Variants in PCDH15 observed in about 807,000 individuals in gnomAD.
PCDH15 encodes protocadherin-15.
Under a neutral mutation model 178.5 loss-of-function variants are expected in PCDH15, and 129 were observed. The observed-to-expected ratio is 0.72, with a 90% CI of 0.63 to 0.84. The LOEUF (loss-of-function observed/expected upper bound fraction) is 0.84. Among genes scored for constraint, PCDH15 ranks in the 40% least tolerant of loss-of-function variants. PCDH15 has a pLI of 0.00. For missense variants in PCDH15, 2,230 were observed against 2,099.9 expected (o/e 1.06, Z -1.21); for synonymous variants, 800 against 732.0 (o/e 1.09, Z -1.50).
intron 1 of PCDH15, among the ~76,000 whole-genome samples, chr10:54,752,629 G>A (rs1369031811): frequency 1.3e-5 from 2 of 151,710 alleles, no homozygotes; most frequent in African/African-American, 2.4e-5. Context: ...TCAACTCAGT[G>A]ACTCTATTAC....
intron 2 of PCDH15, among the ~76,000 whole-genome samples, chr10:54,964,449 G>C (rs918697077): frequency 6.6e-6 from 1 of 152,082 alleles, no homozygotes; most frequent in Non-Finnish European, 1.5e-5. Flanking sequence ...TGCCAATTTT[G>C]TAGGAGGAAA....
At chr10:55,328,251 C>T (rs1313443550) in intron 2 of PCDH15, among the ~76,000 whole-genome samples, 1 of 151,556 alleles carries the variant, frequency 6.6e-6, no homozygotes, top group Non-Finnish European at 1.5e-5. Context: ...TATAGAAATA[C>T]AGTCATTCAT....
intron 2 of PCDH15, among the ~76,000 whole-genome samples, chr10:55,484,768 A>G (rs1003975005): frequency 5.9e-5 from 9 of 151,880 alleles, no homozygotes; most frequent in African/African-American, 2.2e-4. Flanking sequence ...AAAGGCACCA[A>G]GAACACACAC....
chr10:55,338,069 A>G (rs908003788), intron 2 of PCDH15, among the ~76,000 whole-genome samples: 18 of 152,194 alleles, frequency 1.2e-4, no homozygotes, highest in Admixed American at 1.0e-3. Context: ...CAACATTAAT[A>G]ATCATTAGAG....
intron 2 of PCDH15, among the ~76,000 whole-genome samples, chr10:55,358,669 G>T (rs947479520): frequency 6.6e-6 from 1 of 152,024 alleles, no homozygotes; most frequent in African/African-American, 2.4e-5. Flanking sequence ...CCATTTTGCA[G>T]TAGATGGAAT....
At chr10:55,300,754 T>C (rs1843254176) in intron 1 of PCDH15, among the ~76,000 whole-genome samples, 1 of 152,210 alleles carries the variant, frequency 6.6e-6, no homozygotes, top group South Asian at 2.1e-4. Flanking sequence ...AGAGCCAGTC[T>C]GATTTTTTAA....
At chr10:55,248,997 A>C (rs1420948203) in intron 1 of PCDH15, among the ~76,000 whole-genome samples, 1 of 152,238 alleles carries the variant, frequency 6.6e-6, no homozygotes, top group African/African-American at 2.4e-5. Context: ...ATTTAAAGAC[A>C]CATTTAAAGA....
intron 1 of PCDH15, among the ~76,000 whole-genome samples, chr10:55,225,639 G>A (rs890487379): frequency 7.0e-6 from 1 of 143,036 alleles, no homozygotes; most frequent in Admixed American, 7.2e-5. Flanking sequence ...GTGTGTTTGT[G>A]TGTGTGTGTG....
At chr10:54,221,917 C>T (rs1005747655) in intron 9 of PCDH15, among the ~76,000 whole-genome samples, 4 of 152,198 alleles carry the variant, frequency 2.6e-5, no homozygotes, top group South Asian at 4.1e-4. Context: ...AGTATATATT[C>T]TTTTCGTAGG....
At chr10:54,097,417 G>A (rs2094720536) in intron 15 of PCDH15, among the ~76,000 whole-genome samples, 1 of 152,056 alleles carries the variant, frequency 6.6e-6, no homozygotes, top group Non-Finnish European at 1.5e-5. Flanking sequence ...TACAACCATG[G>A]CTCATCCTCT....
chr10:54,321,099 G>A (rs916779341), intron 7 of PCDH15, among the ~76,000 whole-genome samples: 2 of 149,584 alleles, frequency 1.3e-5, no homozygotes, highest in African/African-American at 2.4e-5. Context: ...TAACAAATAA[G>A]TTAATAAAAT....
intron 1 of PCDH15, among the ~76,000 whole-genome samples, chr10:54,787,765 C>T (rs1383647290): frequency 6.6e-6 from 1 of 151,892 alleles, no homozygotes; most frequent in Admixed American, 6.6e-5. Flanking sequence ...ACTAGCAAAG[C>T]CAATGGAGAG....
At chr10:54,938,854 A>G (rs1282981499) in intron 2 of PCDH15, among the ~76,000 whole-genome samples, 1 of 152,172 alleles carries the variant, frequency 6.6e-6, no homozygotes, top group Non-Finnish European at 1.5e-5. Context: ...AAGATATAGA[A>G]AAACGTAAAG....
At chr10:54,455,010 G>A (rs1415475235) in intron 3 of PCDH15, among the ~76,000 whole-genome samples, 1 of 152,068 alleles carries the variant, frequency 6.6e-6, no homozygotes, top group Admixed American at 6.6e-5. Context: ...TAGTGAATTT[G>A]TTCTCACAAG....
intron 2 of PCDH15, among the ~76,000 whole-genome samples, chr10:55,367,283 T>C (rs1207506319): frequency 6.6e-6 from 1 of 152,120 alleles, no homozygotes; most frequent in Non-Finnish European, 1.5e-5. Flanking sequence ...AAAGCAGCAC[T>C]CAAACTGGAA....
At chr10:54,934,988 C>A (rs1259048765) in intron 2 of PCDH15, among the ~76,000 whole-genome samples, 1 of 151,420 alleles carries the variant, frequency 6.6e-6, no homozygotes, top group Non-Finnish European at 1.5e-5. Context: ...GACAAAAAAA[C>A]CAAACACCGC....
intron 2 of PCDH15, among the ~76,000 whole-genome samples, chr10:55,458,457 C>T (rs1839600996): frequency 6.6e-6 from 1 of 152,026 alleles, no homozygotes; most frequent in Non-Finnish European, 1.5e-5. Context: ...TATGATTCCT[C>T]TTAATCATAC....
intron 2 of PCDH15, among the ~76,000 whole-genome samples, chr10:54,624,438 G>A (rs2093479898): frequency 6.6e-6 from 1 of 152,216 alleles, no homozygotes; most frequent in African/African-American, 2.4e-5. Flanking sequence ...AACAAAGTCA[G>A]ACACTTGTTA....
intron 8 of PCDH15, among the ~76,000 whole-genome samples, chr10:54,307,479 A>C (rs969439496): frequency 2.0e-5 from 3 of 151,582 alleles, no homozygotes; most frequent in Non-Finnish European, 4.4e-5. Flanking sequence ...ACATTACCAT[A>C]ATCTATTGTT....
Sources: allele counts gnomAD v4.1 joint callset (sites outside exome capture counted in the v4.1 genomes callset), GRCh38; gene constraint gnomAD v4.1.1; transcripts MANE v1.5; gene names NCBI Gene and HGNC (gene_info 2026-07-23, HGNC 2026-07-21).